The following ADGRG1 variants were observed in gnomAD, a reference collection of about 807,000 sequenced individuals.
ADGRG1 encodes the protein 7-transmembrane protein with no EGF-like N-terminal domains-1.
A neutral mutation model predicts 73.5 loss-of-function variants in ADGRG1; 53 were observed. That is an observed-to-expected ratio of 0.72 (90% confidence interval 0.58 to 0.91). The LOEUF is 0.91. ADGRG1 is among the 40% of genes least tolerant of loss of function. The pLI is 0.00. For synonymous variants in ADGRG1, 394 were observed against 374.4 expected (o/e 1.05, Z -0.60); for missense variants, 795 against 871.8 (o/e 0.91, Z 1.11).
At position 57,651,452 on chromosome 16, in the gene ADGRG1, G is replaced by C. The variant is rs1187871689; in HGVS notation, c.317G>C (p.Gly106Ala). 1 of 1,614,206 alleles carries C rather than the reference G, an allele frequency of 6.2e-7. No individual in the cohort carries two copies. The highest frequency in any genetic ancestry group is 2.2e-5 in the East Asian group (1 of 44,878). Reference protein sequence around the residue: ...RHAGRLHLLYGKRDFLLSDKA... With the variant: ...RHAGRLHLLYAKRDFLLSDKA... ...GCTGGGAGATTACATCTTCTCTATG[G>C]CAAGCGTGACTTCTTGCTGAGTGAC... Residue 106 changes from glycine (G) to alanine (A), a missense_variant, in exon 3 of 14, where the codon GGC becomes GCC. Physicochemically the swap from Gly to Ala is moderately conservative, Grantham distance 60. Coordinates refer to ENST00000562631, the MANE Select transcript of ADGRG1 (RefSeq NM_201525.4).
In ADGRG1 at chr16:57,664,700, G is replaced by C. The variant is rs572350078; in HGVS notation, c.*1118G>C. On this transcript the variant is annotated 3_prime_UTR_variant, in exon 14 of 14. Transcript: ENST00000562631. ...ACAAACACACACGGGTAGATTGCTGGCCTGTTGTAGGTGGTAGGGACACAG... is the reference window on the plus strand; with the variant it reads ...ACAAACACACACGGGTAGATTGCTGCCCTGTTGTAGGTGGTAGGGACACAG... 6.5e-6 allele frequency: 1 copy of C among 153,014 alleles called. No homozygotes were observed. Among genetic ancestry groups the C allele is most frequent in the Admixed American group, 6.5e-5 (1 of 15,300 alleles). The allele number at this position is 153,014 out of a possible 1,614,324, so 9.5% of individuals were successfully genotyped here.
intron 6 of ADGRG1, 113 bp from the exon 7 acceptor site, chr16:57,655,763 C>T (rs1194749276): frequency 6.2e-7 from 1 of 1,610,594 alleles, no homozygotes; most frequent in Non-Finnish European, 8.5e-7. Flanking sequence ...GACGCAGCAT[C>T]TCAAGGCAAT....
chr16:57,628,011 TG>T (rs1316710356), upstream of ADGRG1: 4 of 985,138 alleles, frequency 4.1e-6, no homozygotes, highest in African/African-American at 5.2e-5. Context: ...CAAAATGACT[TG>T]GGATGTTGAA....
At chr16:57,641,161 G>T (rs1054775087) in intron 1 of ADGRG1, 3 of 797,492 alleles carry the variant, frequency 3.8e-6, no homozygotes, top group Non-Finnish European at 4.6e-6. Context: ...CATCAGAGTT[G>T]CCCACTTGAC....
At chr16:57,633,202 G>A in intron 1 of ADGRG1, 1 of 571,382 alleles carries the variant, frequency 1.8e-6, no homozygotes, top group Non-Finnish European at 2.2e-6. Flanking sequence ...GGAATTTGGG[G>A]CAAAAGTGGC....
At chr16:57,651,785 A>G (rs1158967495) in intron 3 of ADGRG1, 163 bp downstream of exon 3, 2 of 1,496,926 alleles carry the variant, frequency 1.3e-6, no homozygotes, top group Non-Finnish European at 1.8e-6. Flanking sequence ...GAGGAGTGTA[A>G]TCCAAGTGCT....
chr16:57,623,091 C>T (rs2035174387), upstream of ADGRG1: 3 of 979,978 alleles, frequency 3.1e-6, no homozygotes, highest in Admixed American at 1.8e-4. Flanking sequence ...CTGAGTCAGT[C>T]CCTTTCCCTC....
chr16:57,620,490 G>A (rs1479936498), upstream of ADGRG1, among the ~76,000 whole-genome samples: 2 of 152,192 alleles, frequency 1.3e-5, no homozygotes, highest in African/African-American at 2.4e-5. Flanking sequence ...CAGGCGGCAG[G>A]ACCTGAAGTC....
rs2148595145 is a variant in ADGRG1, at chr16:57,661,478, C to G, written c.1665-219C>G. On this transcript the variant is annotated intron_variant, in intron 12 of 13. Coordinates refer to ENST00000562631, the MANE Select transcript of ADGRG1 (RefSeq NM_201525.4). The stretch of plus-strand genomic sequence containing the variant: ...TTGTGACCCAGTGATTTCTGCCTCA[C>G]TTTTGTACTATCTATATTATTACTT... 13 of 982,874 alleles carry G rather than the reference C, an allele frequency of 1.3e-5. No individual in the cohort carries two copies. The South Asian group carries it at 1.4e-4, about 11-fold the overall frequency. The allele number at this position is 982,874 out of a possible 1,614,324, so 60.9% of individuals were successfully genotyped here. A position where few individuals can be genotyped will look rare whatever the true frequency, so the allele number is the denominator to read the frequency against.
chr16:57,650,493 G>C (rs1323852811), intron 2 of ADGRG1, 142 bp downstream of exon 2: 9 of 1,482,232 alleles, frequency 6.1e-6, no homozygotes, highest in Admixed American at 1.9e-5. Flanking sequence ...AAAAGCAAAA[G>C]ACACTCCTTC....
rs587783656 is a variant in ADGRG1, at chr16:57,661,882, G to C, written c.1850G>C (p.Trp617Ser). 2 of 1,614,210 alleles carry C rather than the reference G, an allele frequency of 1.2e-6. No homozygotes were observed. The highest frequency in any genetic ancestry group is 1.7e-6 in the Non-Finnish European group (2 of 1,180,014). Residue 617 changes from tryptophan (W) to serine (S), a missense_variant, in exon 13 of 14, where the codon TGG becomes TCG. Coordinates refer to ENST00000562631, the MANE Select transcript of ADGRG1 (RefSeq NM_201525.4). ...CTCAGCCTGGTCCTTGGCCTGCCCTGGGCCTTGATCTTCTTCTCCTTTGCT... is the reference window on the plus strand; with the variant it reads ...CTCAGCCTGGTCCTTGGCCTGCCCTCGGCCTTGATCTTCTTCTCCTTTGCT... Reference protein sequence around the residue: ...LGLSLVLGLPWALIFFSFASG... With the variant: ...LGLSLVLGLPSALIFFSFASG...
At chr16:57,658,923 C>T in intron 10 of ADGRG1, 6 of 982,198 alleles carry the variant, frequency 6.1e-6, no homozygotes, top group Non-Finnish European at 7.3e-6. Flanking sequence ...GCTGCACCCT[C>T]TAGGGCCATG....
chr16:57,631,905 A>G, intron 1 of ADGRG1: 14 of 944,600 alleles, frequency 1.5e-5, no homozygotes, highest in South Asian at 4.8e-5. Flanking sequence ...AGAGGGGCCA[A>G]GGGTTGGGGA....
chr16:57,645,378 C>A, intron 1 of ADGRG1: 2 of 926,896 alleles, frequency 2.2e-6, no homozygotes, highest in Non-Finnish European at 2.6e-6. Context: ...CACCCCACCA[C>A]CCCCCAACCT....
rs765681088 is a variant in ADGRG1 at position 57,651,448 on chromosome 16, T to C, written c.313T>C (p.Tyr105His). 1 of 1,614,240 alleles carries C rather than the reference T, an allele frequency of 6.2e-7. No homozygotes were observed. Among genetic ancestry groups the C allele is most frequent in the South Asian group, 1.1e-5 (1 of 91,092 alleles). Residue 105 changes from tyrosine (Y) to histidine (H), a missense_variant, in exon 3 of 14, where the codon TAT becomes CAT. Transcript: ENST00000562631. ...ACATGCTGGGAGATTACATCTTCTCTATGGCAAGCGTGACTTCTTGCTGAG... is the reference window on the plus strand; with the variant it reads ...ACATGCTGGGAGATTACATCTTCTCCATGGCAAGCGTGACTTCTTGCTGAG... ...NRHAGRLHLL[Y>H]GKRDFLLSDK...
upstream of ADGRG1, chr16:57,625,791 A>G (rs574257598): frequency 2.8e-6 from 1 of 358,326 alleles, no homozygotes; most frequent in South Asian, 1.1e-4. Context: ...CTACACTTTC[A>G]AAATCTTCCA....
intron 1 of ADGRG1, among the ~76,000 whole-genome samples, chr16:57,632,651 G>A (rs146166855): frequency 4.2e-4 from 64 of 152,334 alleles, no homozygotes; most frequent in Admixed American, 1.5e-3. Flanking sequence ...AGCCTGACTC[G>A]TGCTTTGGTG....
Position 57,653,967 on chromosome 16 carries a change from G to A in ADGRG1, c.621-19G>A, listed in dbSNP as rs200458139. The A allele has an allele frequency of 2.4e-5, 38 of 1,613,240 alleles. No individual in the cohort carries two copies. The highest frequency in any genetic ancestry group is 3.3e-4 in the Middle Eastern group (2 of 6,062). ...CGGCCCCCTCCCCACCATCACCACC[G>A]CTTTCTCCTCCCTGCCAGGCAGTTG... On this transcript the variant is annotated intron_variant, in intron 4 of 13. Coordinates refer to ENST00000562631, the MANE Select transcript of ADGRG1 (RefSeq NM_201525.4).
upstream of ADGRG1, chr16:57,626,969 G>C (rs1240329492): frequency 1.0e-6 from 1 of 985,480 alleles, no homozygotes; most frequent in African/African-American, 1.7e-5. Flanking sequence ...GCAGCCCCGG[G>C]AGAGAGCAGA....
Sources: gnomAD v4.1 joint callset for allele counts (sites outside exome capture counted in the v4.1 genomes callset) on GRCh38, gnomAD v4.1.1 for gene constraint, MANE v1.5 for transcripts, NCBI Gene and HGNC (gene_info 2026-07-23, HGNC 2026-07-21) for gene names.